Variants in MACROH2A1 observed in about 807,000 individuals in gnomAD.
The protein encoded by MACROH2A1 is macroH2A.1 histone.
MACROH2A1 carries 2 observed loss-of-function variants against 31.6 expected under a neutral mutation model. The observed-to-expected ratio is 0.06, with a 90% CI of 0.03 to 0.20. MACROH2A1 has a LOEUF of 0.20. MACROH2A1 is among the 10% of genes least tolerant of loss of function. The pLI is 1.00. For synonymous variants in MACROH2A1, 169 were observed against 189.6 expected, an observed-to-expected ratio of 0.89 and a Z score of 0.89; for missense variants, 230 against 474.0, an observed-to-expected ratio of 0.49 and a Z score of 4.78.
Position 135,343,156 on chromosome 5 carries a change from C to T in MACROH2A1, c.953+104G>A, listed in dbSNP as rs781060462. 8.2e-6 allele frequency: 13 copies of T among 1,593,054 alleles called. No homozygotes were observed. The East Asian group carries it at 2.7e-4, about 33-fold the overall frequency. ...GTGCTTCTGGTCTCCTTGGTTAAGG[C>T]AGCCTCCGTGGGCCTTGCACAGAGT... is the stretch of plus-strand genomic sequence containing the variant. On this transcript the variant is annotated intron_variant, in intron 8 of 8. Coordinates refer to ENST00000511689, the MANE Select transcript of MACROH2A1 (RefSeq NM_138610.3).
intron 5 of MACROH2A1, chr5:135,357,384 C>G (rs1327446841): frequency 6.6e-6 from 1 of 152,202 alleles, no homozygotes; most frequent in Non-Finnish European, 1.5e-5. Context: ...AGCTCCCTTT[C>G]TCCTCACAGT....
intron 1 of MACROH2A1, 148 bp from the exon 2 acceptor site, chr5:135,389,274 A>G: frequency 2.1e-6 from 1 of 473,414 alleles, no homozygotes; most frequent in South Asian, 4.6e-5. Flanking sequence ...CAGGTGATGC[A>G]CTCCGCTGGA....
intron 2 of MACROH2A1, among the ~76,000 whole-genome samples, chr5:135,371,792 G>T (rs1392606771): frequency 6.6e-6 from 1 of 152,248 alleles, no homozygotes; most frequent in East Asian, 1.9e-4. Context: ...CAGTACTAAA[G>T]AATTTCTAAT....
At chr5:135,352,632 C>G (rs1285427901) in intron 6 of MACROH2A1, among the ~76,000 whole-genome samples, 1 of 152,058 alleles carries the variant, frequency 6.6e-6, no homozygotes, top group Non-Finnish European at 1.5e-5. Flanking sequence ...AACAAAAAAA[C>G]AAACAAAAAC....
At chr5:135,363,733 A>C (rs956245206) in intron 4 of MACROH2A1, among the ~76,000 whole-genome samples, 4 of 152,200 alleles carry the variant, frequency 2.6e-5, no homozygotes, top group Admixed American at 6.5e-5. Context: ...CTAGTTCTAG[A>C]TCCTTGAGGA....
intron 2 of MACROH2A1, among the ~76,000 whole-genome samples, chr5:135,381,845 A>C (rs1321880476): frequency 5.3e-5 from 8 of 152,236 alleles, no homozygotes. Context: ...CAGATACAGA[A>C]GACAGAGTAA....
intron 6 of MACROH2A1, among the ~76,000 whole-genome samples, chr5:135,349,997 G>A (rs1325201936): frequency 6.6e-6 from 1 of 151,174 alleles, no homozygotes; most frequent in Non-Finnish European, 1.5e-5. Flanking sequence ...CTAAAGCTGT[G>A]CTTTTTTTCT....
Position 135,360,952 on chromosome 5 carries a change from G to C in MACROH2A1, c.478-345C>G, listed in dbSNP as rs1186532897. ...GATCTTTAAGTGTCTTTCCTTTCTA[G>C]ATGTCTGTAATACTATTCAAGCTTA... On this transcript the variant is annotated intron_variant, in intron 4 of 8. Coordinates refer to ENST00000511689, the MANE Select transcript of MACROH2A1 (RefSeq NM_138610.3). 4 of 401,642 alleles carry C rather than the reference G, an allele frequency of 1.0e-5. No individual in the cohort carries two copies. In the Admixed American group the frequency reaches 1.1e-4, roughly 11 times the overall value. 24.9% of individuals were successfully genotyped at this position (401,642 alleles called of 1,614,324 possible). A position where few individuals can be genotyped will look rare whatever the true frequency, so the allele number is the denominator to read the frequency against.
intron 2 of MACROH2A1, among the ~76,000 whole-genome samples, chr5:135,373,662 G>A (rs552205482): frequency 1.3e-5 from 2 of 152,300 alleles, no homozygotes; most frequent in African/African-American, 4.8e-5. Context: ...AGAAAGAGCT[G>A]GGCAGGGATG....
chr5:135,379,195 CAG>C (rs1317625370), intron 2 of MACROH2A1, among the ~76,000 whole-genome samples: 1 of 152,156 alleles, frequency 6.6e-6, no homozygotes, highest in Non-Finnish European at 1.5e-5. Context: ...TATAAAATCC[CAG>C]AGTGTCCCCT....
chr5:135,391,511 T>C (rs891920410), intron 1 of MACROH2A1, among the ~76,000 whole-genome samples: 1 of 152,186 alleles, frequency 6.6e-6, no homozygotes, highest in Non-Finnish European at 1.5e-5. Context: ...GCTCCTTGTC[T>C]TTCCCTCCTC....
chr5:135,393,315 C>G (rs947150622), intron 1 of MACROH2A1, among the ~76,000 whole-genome samples: 3 of 152,202 alleles, frequency 2.0e-5, no homozygotes, highest in African/African-American at 4.8e-5. Context: ...TCAACTAGAA[C>G]TTAGTCACAT....
intron 5 of MACROH2A1, chr5:135,359,464 T>C: frequency 2.0e-6 from 2 of 983,534 alleles, no homozygotes; most frequent in Non-Finnish European, 2.4e-6. Context: ...GAAAAATGCA[T>C]ACAAAATACA....
chr5:135,359,442 A>G lies in MACROH2A1; in HGVS notation c.588+1055T>C, dbSNP rs17168202. The G allele has an allele frequency of 7.0e-3, 6,864 of 984,336 alleles. 383 individuals carry two copies. The African/African-American group carries it at 0.11, about 16-fold the overall frequency. 61.0% of individuals were successfully genotyped at this position (984,336 alleles called of 1,614,324 possible). ...AGACCTTAAGATGACAACTAGTGCT[A>G]CTTTTTCTTTTGAAAAATGCATACA... is the stretch of plus-strand genomic sequence containing the variant. On this transcript the variant is annotated intron_variant, in intron 5 of 8. Coordinates refer to ENST00000511689, the MANE Select transcript of MACROH2A1 (RefSeq NM_138610.3).
At chr5:135,385,198 G>T (rs1766225275) in intron 2 of MACROH2A1, among the ~76,000 whole-genome samples, 2 of 152,198 alleles carry the variant, frequency 1.3e-5, no homozygotes, top group Admixed American at 6.5e-5. Context: ...CCACCTCTAA[G>T]AGTCTGGGCC....
intron 2 of MACROH2A1, among the ~76,000 whole-genome samples, chr5:135,380,868 C>A (rs1765570509): frequency 6.6e-6 from 1 of 152,164 alleles, no homozygotes; most frequent in South Asian, 2.1e-4. Context: ...GGGAAGAGAA[C>A]TGAAAATGCA....
chr5:135,340,721 TC>T (rs1347176072), intron 8 of MACROH2A1, among the ~76,000 whole-genome samples: 2 of 152,252 alleles, frequency 1.3e-5, no homozygotes, highest in African/African-American at 4.8e-5. Context: ...CAACATTACT[TC>T]CGTGCCAGAG....
At position 135,369,587 on chromosome 5, in the gene MACROH2A1, G is replaced by A. The variant is rs1763934987; in HGVS notation, c.296C>T (p.Thr99Ile). ...EELNQLLKGV[T>I]IASGGVLPNI... The stretch of plus-strand genomic sequence containing the variant: ...GGGTAACACACCCCCACTGGCTATG[G>A]TGACTCCTTTTAGCAGCTTTCAGGA... Residue 99 changes from threonine to isoleucine, a missense_variant, in exon 4 of 9, where the codon ACC becomes ATC. Thr to Ile is a moderately conservative substitution (Grantham distance 89, BLOSUM62 -1). This residue lies in a region of MACROH2A1 where 47 missense variants were observed against 154.7 expected (regional missense o/e 0.30). Transcript: ENST00000511689. The surrounding 1 kb of genome is among the most constrained non-coding windows in gnomAD (Gnocchi z 4.3). 1 of 1,613,574 alleles carries A rather than the reference G, an allele frequency of 6.2e-7. No homozygotes were observed. The highest frequency in any genetic ancestry group is 1.3e-5 in the African/African-American group (1 of 74,888).
intron 2 of MACROH2A1, among the ~76,000 whole-genome samples, chr5:135,381,886 TAAG>T (rs1204112943): frequency 6.6e-6 from 1 of 152,210 alleles, no homozygotes; most frequent in Non-Finnish European, 1.5e-5. Flanking sequence ...CTGTGTTCCA[TAAG>T]AAGTGACTAG....
Sources: allele counts gnomAD v4.1 joint callset (sites outside exome capture counted in the v4.1 genomes callset), GRCh38; gene constraint gnomAD v4.1.1; regional missense constraint gnomAD v4.1.1; non-coding constraint Gnocchi (gnomAD v3.1); transcripts MANE v1.5; gene names NCBI Gene and HGNC (gene_info 2026-07-23, HGNC 2026-07-21).